Variants in DZIP1L observed in about 807,000 individuals in gnomAD.
DZIP1L encodes DAZ interacting zinc finger protein 1 like.
DZIP1L carries 90 observed loss-of-function variants against 88.7 expected under a neutral mutation model. That is an observed-to-expected ratio of 1.02 (90% CI 0.86 to 1.21). DZIP1L has a LOEUF of 1.21. Ranked by LOEUF, DZIP1L falls within the 50% of genes most tolerant of loss-of-function variation. DZIP1L has a pLI of 0.00. For synonymous variants in DZIP1L, 363 were observed against 372.1 expected, an observed-to-expected ratio of 0.98 and a Z score of 0.28; for missense variants, 932 against 955.8, an observed-to-expected ratio of 0.98 and a Z score of 0.33.
At chr3:138,106,120 C>CTTCT (rs1559864261) in intron 1 of DZIP1L, among the ~76,000 whole-genome samples, 6 of 117,452 alleles carry the variant, frequency 5.1e-5, no homozygotes, top group African/African-American at 1.9e-4. Context: ...ATGATTCAGT[C>CTTCT]TTCTTTCTTT....
chr3:138,066,191 G>C (rs1221745768), intron 14 of DZIP1L, among the ~76,000 whole-genome samples: 1 of 152,216 alleles, frequency 6.6e-6, no homozygotes, highest in South Asian at 2.1e-4. Context: ...GTTGCAAAAA[G>C]TTATGTGTGT....
At chr3:138,093,294 T>C (rs752463076) in intron 4 of DZIP1L, among the ~76,000 whole-genome samples, 19 of 151,582 alleles carry the variant, frequency 1.3e-4, no homozygotes, top group Non-Finnish European at 2.4e-4. Context: ...TTGAAAAGAA[T>C]CTTTTTTTTA....
In DZIP1L at chr3:138,062,658, G is replaced by A. The variant is rs1942747970; in HGVS notation, c.*158C>T. On this transcript the variant is annotated 3_prime_UTR_variant, in exon 16 of 16. Transcript: ENST00000327532. ...CAGCAGGGCCCCTCACAGGTCAGGA[G>A]GGATGAGATCATATCCATTCCCTGC... 3.5e-6 allele frequency: 3 copies of A among 860,932 alleles called. No homozygotes were observed. In the East Asian group the frequency reaches 7.8e-5, roughly 22 times the overall value. The allele number at this position is 860,932 out of a possible 1,614,324, so 53.3% of individuals were successfully genotyped here.
intron 5 of DZIP1L, among the ~76,000 whole-genome samples, chr3:138,089,812 CA>C (rs2107801198): frequency 6.6e-6 from 1 of 151,816 alleles, no homozygotes; most frequent in Non-Finnish European, 1.5e-5. Context: ...CACAAACATA[CA>C]AACACAATAT....
chr3:138,099,014 G>A (rs929054599), intron 2 of DZIP1L, among the ~76,000 whole-genome samples: 2 of 152,134 alleles, frequency 1.3e-5, no homozygotes, highest in Non-Finnish European at 2.9e-5. Context: ...GTAGGTGACT[G>A]TAGTCCTAAC....
At chr3:138,073,931 G>T (rs932609519) in intron 11 of DZIP1L, among the ~76,000 whole-genome samples, 2 of 151,936 alleles carry the variant, frequency 1.3e-5, no homozygotes, top group Non-Finnish European at 2.9e-5. Context: ...AAAAGTCTCA[G>T]CAATAGAATC....
At chr3:138,093,668 T>C (rs1204020941) in intron 4 of DZIP1L, among the ~76,000 whole-genome samples, 2 of 152,258 alleles carry the variant, frequency 1.3e-5, no homozygotes, top group African/African-American at 4.8e-5. Context: ...ACATTAGCAC[T>C]TGCTGCTTCA....
chr3:138,071,599 C>T, intron 12 of DZIP1L, 44 bp downstream of exon 12: 2 of 1,571,652 alleles, frequency 1.3e-6, no homozygotes, highest in Non-Finnish European at 1.7e-6. Context: ...AAGAATGGGA[C>T]CCTTACAGGT....
chr3:138,100,063 C>T (rs1052698210), intron 2 of DZIP1L, among the ~76,000 whole-genome samples: 2 of 150,764 alleles, frequency 1.3e-5, no homozygotes, highest in African/African-American at 2.4e-5. Flanking sequence ...GCTCTCATTA[C>T]GATTAAGATG....
intron 2 of DZIP1L, 146 bp from the exon 3 acceptor site, chr3:138,097,993 G>T: frequency 1.5e-6 from 1 of 668,520 alleles, no homozygotes; most frequent in Non-Finnish European, 2.6e-6. Flanking sequence ...AGGCAATGAT[G>T]TCAGCCCATG....
intron 2 of DZIP1L, chr3:138,102,376 C>T (rs2042347000): frequency 8.3e-7 from 1 of 1,204,978 alleles, no homozygotes; most frequent in African/African-American, 1.5e-5. Context: ...TTGATCTCAT[C>T]CTCATACTTG....
chr3:138,078,874 G>A (rs1274203954), intron 10 of DZIP1L, among the ~76,000 whole-genome samples: 1 of 152,208 alleles, frequency 6.6e-6, no homozygotes, highest in African/African-American at 2.4e-5. Flanking sequence ...ATGTGGGGGT[G>A]TAGCGTGGTC....
intron 12 of DZIP1L, among the ~76,000 whole-genome samples, chr3:138,071,401 C>A (rs1012130534): frequency 2.6e-5 from 4 of 152,176 alleles, no homozygotes; most frequent in African/African-American, 9.7e-5. Flanking sequence ...GGCTCCAGCT[C>A]CGGCTCTCCT....
chr3:138,078,388 C>T (rs1039634093), intron 10 of DZIP1L, among the ~76,000 whole-genome samples: 1 of 152,168 alleles, frequency 6.6e-6, no homozygotes, highest in Non-Finnish European at 1.5e-5. Context: ...CATCTCTCGT[C>T]CCCCAAGGAC....
At chr3:138,081,827 G>A in intron 8 of DZIP1L, 63 bp from the exon 9 acceptor site, 1 of 1,562,424 alleles carries the variant, frequency 6.4e-7, no homozygotes. Flanking sequence ...ACTCTGCTTT[G>A]AGCAGTGTCT....
intron 2 of DZIP1L, among the ~76,000 whole-genome samples, chr3:138,099,036 C>T (rs1944606877): frequency 6.6e-6 from 1 of 152,162 alleles, no homozygotes; most frequent in African/African-American, 2.4e-5. Context: ...ACTCAGGAGG[C>T]TGAGGTGGGA....
chr3:138,086,548 C>T (rs1006635317), intron 7 of DZIP1L, among the ~76,000 whole-genome samples: 2 of 152,156 alleles, frequency 1.3e-5, no homozygotes, highest in Non-Finnish European at 2.9e-5. Context: ...CCTTTGGACT[C>T]CTGCTGAACT....
intron 8 of DZIP1L, among the ~76,000 whole-genome samples, 189 bp downstream of exon 8, chr3:138,083,924 T>C (rs903473475): frequency 6.6e-6 from 1 of 152,182 alleles, no homozygotes; most frequent in Non-Finnish European, 1.5e-5. Context: ...AGATGGCACA[T>C]CTTCAGCCTG....
intron 14 of DZIP1L, among the ~76,000 whole-genome samples, chr3:138,067,215 C>G (rs73867011): frequency 0.068 from 10,332 of 152,226 alleles, 994 homozygotes; most frequent in African/African-American, 0.21. Context: ...AGTGTTTACT[C>G]TCTACTGGAA....
Sources: allele counts gnomAD v4.1 joint callset (sites outside exome capture counted in the v4.1 genomes callset), GRCh38; gene constraint gnomAD v4.1.1; transcripts MANE v1.5; gene names NCBI Gene and HGNC (gene_info 2026-07-23, HGNC 2026-07-21).